Variants in RBM25 observed in about 807,000 individuals in gnomAD.
RBM25 encodes RNA-binding protein 25.
Under a neutral mutation model 120.7 loss-of-function variants are expected in RBM25, and 19 were observed. That is an observed-to-expected ratio of 0.16 (90% CI 0.11 to 0.23). The LOEUF is 0.23. Among genes scored for constraint, RBM25 ranks in the 10% least tolerant of loss-of-function variants. The pLI is 1.00. For missense variants in RBM25, 605 were observed against 1,041.5 expected (o/e 0.58, Z 5.77); for synonymous variants, 390 against 326.7 (o/e 1.19, Z -2.09).
At chr14:73,118,358 GT>G (rs1896477007) in intron 18 of RBM25, among the ~76,000 whole-genome samples, 1 of 151,778 alleles carries the variant, frequency 6.6e-6, no homozygotes, top group Admixed American at 6.6e-5. Flanking sequence ...CACACCTGTA[GT>G]CCTAGCTACT....
chr14:73,097,580 C>T (rs1290814655), intron 7 of RBM25, among the ~76,000 whole-genome samples: 2 of 152,156 alleles, frequency 1.3e-5, no homozygotes, highest in African/African-American at 4.8e-5. Context: ...GGTTATCCTC[C>T]TGCCTCCGCT....
intron 14 of RBM25, among the ~76,000 whole-genome samples, 166 bp from the exon 15 acceptor site, chr14:73,110,665 A>G (rs1896292963): frequency 6.6e-6 from 1 of 151,874 alleles, no homozygotes; most frequent in South Asian, 2.1e-4. Flanking sequence ...CTGACCTCAG[A>G]TGATCTGCCC....
intron 1 of RBM25, among the ~76,000 whole-genome samples, chr14:73,070,197 A>G (rs1895249507): frequency 6.6e-6 from 1 of 151,370 alleles, no homozygotes; most frequent in African/African-American, 2.4e-5. Flanking sequence ...ACAGGCGCAC[A>G]CCACCATACC....
chr14:73,071,636 G>A lies in RBM25; in HGVS notation c.-6G>A, dbSNP rs1895295457. ...GTCCTTTTTTCTTTAGACTGCTGCA[G>A]TAAGAATGTCTTTTCCACCTCATTT... On this transcript the variant is annotated 5_prime_UTR_variant, in exon 2 of 19. Coordinates refer to ENST00000261973, the MANE Select transcript of RBM25 (RefSeq NM_021239.3). The A allele has an allele frequency of 6.2e-7, 1 of 1,606,780 alleles. No individual in the cohort carries two copies. The highest frequency in any genetic ancestry group is 1.3e-5 in the African/African-American group (1 of 74,860).
Position 73,097,195 on chromosome 14 carries a change from TC to T in RBM25, c.729+96del, listed in dbSNP as rs1188453655. On this transcript the variant is annotated intron_variant, in intron 7 of 18. Coordinates refer to ENST00000261973, the MANE Select transcript of RBM25 (RefSeq NM_021239.3). ...TACATGTCAGTTTTCTTTTTTCTTTTCTTTTTTTTTTTTTTTTTTTTTTGAG... is the reference window on the plus strand; with the variant it reads ...TACATGTCAGTTTTCTTTTTTCTTTTTTTTTTTTTTTTTTTTTTTTTTGAG... 3.5e-3 allele frequency: 1,335 copies of T among 384,136 alleles called. 77 individuals carry two copies. The African/African-American group carries it at 0.041, about 12-fold the overall frequency. The allele number at this position is 384,136 out of a possible 1,614,324, so 23.8% of individuals were successfully genotyped here.
At chr14:73,082,487 C>A (rs956093005) in intron 4 of RBM25, among the ~76,000 whole-genome samples, 1 of 152,010 alleles carries the variant, frequency 6.6e-6, no homozygotes, top group Admixed American at 6.6e-5. Flanking sequence ...GACAGTGTCT[C>A]CCTATGTTGC....
intron 2 of RBM25, among the ~76,000 whole-genome samples, chr14:73,075,255 G>A (rs978055978): frequency 5.9e-5 from 9 of 151,502 alleles, no homozygotes; most frequent in African/African-American, 1.5e-4. Flanking sequence ...TCTGCCTCCC[G>A]GGTTCAAGCA....
Position 73,121,314 on chromosome 14 carries a change from T to C in RBM25, c.*1509T>C, listed in dbSNP as rs1245459943. 6.6e-6 allele frequency: 1 copy of C among 152,582 alleles called. No individual in the cohort carries two copies. The highest frequency in any genetic ancestry group is 1.9e-4 in the East Asian group (1 of 5,204). 9.5% of individuals were successfully genotyped at this position (152,582 alleles called of 1,614,324 possible). On this transcript the variant is annotated 3_prime_UTR_variant, in exon 19 of 19. Coordinates refer to ENST00000261973, the MANE Select transcript of RBM25 (RefSeq NM_021239.3). ...AAATATTAAAAATGTATATATTTGA[T>C]CCTGGGGACTCATATTCTTTCAGAA...
chr14:73,079,320 G>T (rs1895502910), intron 4 of RBM25, among the ~76,000 whole-genome samples: 1 of 150,596 alleles, frequency 6.6e-6, no homozygotes, highest in African/African-American at 2.4e-5. Context: ...CTACGCGGGA[G>T]GCTGAGGCAG....
chr14:73,068,277 T>A, intron 1 of RBM25: 1 of 844,282 alleles, frequency 1.2e-6, no homozygotes, highest in South Asian at 1.3e-5. Context: ...CCAATAGATT[T>A]GGTTTGTGGG....
rs756360880 is a variant in RBM25, at chr14:73,103,395, AGACCGAGATCGG to A, written c.1074_1085del (p.Asp360_Arg363del). On this transcript the variant is annotated inframe_deletion, in exon 10 of 19. Transcript: ENST00000261973. ...GGGACCGTGACCGGACAAAAGAGAG[AGACCGAGATCGG>A]GATCGAGAGAGAGATCGTGACCGGG... 1.1e-5 allele frequency: 18 copies of A among 1,613,114 alleles called. No homozygotes were observed. The highest frequency in any genetic ancestry group is 1.4e-5 in the Non-Finnish European group (17 of 1,179,656).
At chr14:73,081,608 A>C (rs1895565602) in intron 4 of RBM25, among the ~76,000 whole-genome samples, 1 of 152,128 alleles carries the variant, frequency 6.6e-6, no homozygotes, top group African/African-American at 2.4e-5. Flanking sequence ...TTATATTGGG[A>C]TGATACATCC....
intron 1 of RBM25, among the ~76,000 whole-genome samples, chr14:73,063,802 A>C (rs2140419708): frequency 6.6e-6 from 1 of 151,630 alleles, no homozygotes; most frequent in South Asian, 2.1e-4. Flanking sequence ...GTGACAAGTC[A>C]GAAACTCTTC....
intron 1 of RBM25, among the ~76,000 whole-genome samples, chr14:73,067,182 G>T (rs192335054): frequency 6.7e-6 from 1 of 150,330 alleles, no homozygotes; most frequent in East Asian, 2.0e-4. Context: ...CGATTCTCCT[G>T]CCTCAGCCTC....
chr14:73,069,687 C>A (rs1895227455), intron 1 of RBM25, among the ~76,000 whole-genome samples: 1 of 136,626 alleles, frequency 7.3e-6, no homozygotes, highest in Non-Finnish European at 1.5e-5. Flanking sequence ...TCCGCCTCGG[C>A]CTCCCAAAAG....
chr14:73,100,217 C>T, intron 9 of RBM25: 1 of 610,092 alleles, frequency 1.6e-6, no homozygotes, highest in African/African-American at 1.8e-5. Flanking sequence ...CAGTGGTTAC[C>T]AGACTTACCA....
chr14:73,103,950 A>T (rs12323438), intron 10 of RBM25, among the ~76,000 whole-genome samples: 968 of 91,886 alleles, frequency 0.011, 3 homozygotes, highest in Middle Eastern at 0.019. Flanking sequence ...TCTCTCTCTC[A>T]CACACACACA....
intron 2 of RBM25, 42 bp downstream of exon 2, chr14:73,071,789 T>C (rs1895299595): frequency 6.8e-7 from 1 of 1,475,706 alleles, no homozygotes; most frequent in African/African-American, 1.4e-5. Flanking sequence ...AACTTGTACT[T>C]TTGTCTTTGT....
At chr14:73,088,475 G>T in intron 6 of RBM25, 1 of 479,984 alleles carries the variant, frequency 2.1e-6, no homozygotes, top group Non-Finnish European at 4.1e-6. Flanking sequence ...AGCTTTGTAA[G>T]TAAGTACAAA....
Sources: allele counts gnomAD v4.1 joint callset (sites outside exome capture counted in the v4.1 genomes callset), GRCh38; gene constraint gnomAD v4.1.1; transcripts MANE v1.5; gene names NCBI Gene and HGNC (gene_info 2026-07-23, HGNC 2026-07-21).